VPS53: variants seen among roughly 807,000 people sequenced by gnomAD.
The protein encoded by VPS53 is VPS53 subunit of GARP complex.
A neutral mutation model predicts 107.0 loss-of-function variants in VPS53; 70 were observed. That is an observed-to-expected ratio of 0.65 (90% CI 0.54 to 0.80). VPS53 has a LOEUF of 0.80. Ranked by LOEUF, VPS53 falls within the 30% of genes least tolerant of loss-of-function variation. The probability of loss-of-function intolerance (pLI) is 0.00; values close to 1 mark genes in which losing one functional copy is unlikely to be tolerated. For missense variants in VPS53, 917 were observed against 1,049.4 expected, an observed-to-expected ratio of 0.87 and a Z score of 1.74; for synonymous variants, 409 against 393.3, an observed-to-expected ratio of 1.04 and a Z score of -0.47.
intron 11 of VPS53, among the ~76,000 whole-genome samples, chr17:619,379 G>A (rs1458721244): frequency 8.3e-4 from 81 of 97,820 alleles, no homozygotes; most frequent in Middle Eastern, 8.5e-3. Flanking sequence ...GCACCACCAT[G>A]CCCCGCTAAT....
intron 1 of VPS53, among the ~76,000 whole-genome samples, chr17:712,471 G>A (rs1973682207): frequency 6.6e-6 from 1 of 151,988 alleles, no homozygotes; most frequent in Non-Finnish European, 1.5e-5. Flanking sequence ...GAGCCACCGA[G>A]CCCAGCCAAT....
chr17:567,036 C>T (rs976500048), intron 13 of VPS53, among the ~76,000 whole-genome samples: 3 of 152,042 alleles, frequency 2.0e-5, no homozygotes, highest in Non-Finnish European at 2.9e-5. Flanking sequence ...TGAGCCACTG[C>T]GCCCAGCCGA....
chr17:623,749 A>G (rs1375376773), intron 10 of VPS53, 75 bp from the exon 11 acceptor site: 6 of 1,455,014 alleles, frequency 4.1e-6, no homozygotes, highest in Non-Finnish European at 5.5e-6. Context: ...AAATGGCCTT[A>G]GCTTATATTC....
At chr17:549,273 G>A (rs1043943908) in intron 17 of VPS53, among the ~76,000 whole-genome samples, 1 of 152,214 alleles carries the variant, frequency 6.6e-6, no homozygotes, top group Admixed American at 6.5e-5. Context: ...AACACAGAAT[G>A]TGTGTTGAAT....
intron 18 of VPS53, among the ~76,000 whole-genome samples, chr17:533,338 G>C (rs1016012354): frequency 6.6e-6 from 1 of 152,104 alleles, no homozygotes. Context: ...CAAACTCCTG[G>C]CTTCAAGCAG....
chr17:595,965 T>A (rs967880446), intron 12 of VPS53, among the ~76,000 whole-genome samples: 2 of 126,790 alleles, frequency 1.6e-5, no homozygotes, highest in African/African-American at 6.3e-5. Flanking sequence ...CACTCTAGTG[T>A]CCCCCTGGAG....
chr17:627,344 C>A, intron 9 of VPS53, 28 bp from the exon 10 acceptor site: 1 of 1,603,350 alleles, frequency 6.2e-7, no homozygotes, highest in South Asian at 1.1e-5. Flanking sequence ...CAAAAGCCAC[C>A]CCAGTGGTTA....
chr17:707,844 C>CA (rs10708313), intron 2 of VPS53, among the ~76,000 whole-genome samples: 37,418 of 126,782 alleles, frequency 0.3, 5,887 homozygotes, highest in African/African-American at 0.47. Flanking sequence ...AACTCTCTTT[C>CA]AAAAAAAAAA....
chr17:672,496 T>C (rs1389926544), intron 4 of VPS53, among the ~76,000 whole-genome samples: 1 of 152,220 alleles, frequency 6.6e-6, no homozygotes, highest in Non-Finnish European at 1.5e-5. Context: ...CAGATGAGAC[T>C]ACCCTCTAAG....
intron 13 of VPS53, among the ~76,000 whole-genome samples, chr17:573,155 G>T (rs143795337): frequency 6.6e-6 from 1 of 152,378 alleles, no homozygotes; most frequent in African/African-American, 2.4e-5. Flanking sequence ...AGAATGGGCA[G>T]ATATGGAGTC....
chr17:578,648 G>A (rs1398390256), intron 13 of VPS53, among the ~76,000 whole-genome samples: 4 of 133,614 alleles, frequency 3.0e-5, no homozygotes, highest in African/African-American at 1.2e-4. Flanking sequence ...TCCCTCAGAA[G>A]CCAATGCATT....
intron 16 of VPS53, 28 bp from the exon 17 acceptor site, chr17:551,978 A>G: frequency 6.5e-7 from 1 of 1,548,950 alleles, no homozygotes; most frequent in South Asian, 1.2e-5. Context: ...CACTGTGGTC[A>G]CCCTTTCAAA....
At chr17:523,776 A>T (rs998794371) in intron 19 of VPS53, among the ~76,000 whole-genome samples, 2 of 152,156 alleles carry the variant, frequency 1.3e-5, no homozygotes, top group African/African-American at 4.8e-5. Flanking sequence ...AATTCTTACT[A>T]TCCTAGTGTC....
intron 10 of VPS53, among the ~76,000 whole-genome samples, chr17:624,063 G>A (rs750970130): frequency 5.4e-5 from 8 of 148,176 alleles, no homozygotes; most frequent in Non-Finnish European, 1.0e-4. Flanking sequence ...TCACCATGTT[G>A]GCCAGGCTGG....
chr17:545,943 G>T (rs748629715), intron 17 of VPS53, among the ~76,000 whole-genome samples: 1 of 152,198 alleles, frequency 6.6e-6, no homozygotes, highest in Non-Finnish European at 1.5e-5. Flanking sequence ...CATACTTCTT[G>T]ATTTCAAAGA....
chr17:537,007 T>C (rs1555548382), intron 18 of VPS53, 21 bp downstream of exon 18: 39 of 1,613,370 alleles, frequency 2.4e-5, no homozygotes, highest in Non-Finnish European at 3.0e-5. Flanking sequence ...AACCCAGAGA[T>C]GAGCACGCCC....
Position 519,682 on chromosome 17 carries a change from G to C in VPS53, c.2328+144C>G. 1 of 688,852 alleles carries C rather than the reference G, an allele frequency of 1.5e-6. No individual in the cohort carries two copies. Among genetic ancestry groups the C allele is most frequent in the Non-Finnish European group, 2.5e-6 (1 of 398,994 alleles). 42.7% of individuals were successfully genotyped at this position (688,852 alleles called of 1,614,324 possible). A position where few individuals can be genotyped will look rare whatever the true frequency, so the allele number is the denominator to read the frequency against. On this transcript the variant is annotated intron_variant, in intron 21 of 21. Coordinates refer to ENST00000437048, the MANE Select transcript of VPS53 (RefSeq NM_001128159.3). The surrounding 1 kb of genome is among the most constrained non-coding windows in gnomAD (Gnocchi z 5.0). ...TGCCCGGGGCCATCCTCCTCCAGAGGCTTCTCTGAATCCGGTTTGCTCTGT... is the reference window on the plus strand; with the variant it reads ...TGCCCGGGGCCATCCTCCTCCAGAGCCTTCTCTGAATCCGGTTTGCTCTGT...
In VPS53 at chr17:513,430, T is replaced by C. The variant is rs1049404609; in HGVS notation, c.*5698A>G. The stretch of plus-strand genomic sequence containing the variant: ...TAAAACAGGACTGGGAATTTTTATT[T>C]AATATATAAAATGTCATCGTACCCT... On this transcript the variant is annotated 3_prime_UTR_variant, in exon 22 of 22. Coordinates refer to ENST00000437048, the MANE Select transcript of VPS53 (RefSeq NM_001128159.3). 5.3e-5 allele frequency: 8 copies of C among 152,216 alleles called. No homozygotes were observed. The highest frequency in any genetic ancestry group is 1.9e-4 in the African/African-American group (8 of 41,446). The allele number at this position is 152,216 out of a possible 1,614,324, so 9.4% of individuals were successfully genotyped here.
chr17:693,029 G>T (rs1334522853), intron 4 of VPS53, among the ~76,000 whole-genome samples: 10 of 152,170 alleles, frequency 6.6e-5, no homozygotes, highest in African/African-American at 2.2e-4. Flanking sequence ...AGCTACTCAG[G>T]AGGCTGAGGC....
Sources: allele counts gnomAD v4.1 joint callset (sites outside exome capture counted in the v4.1 genomes callset), GRCh38; gene constraint gnomAD v4.1.1; non-coding constraint Gnocchi (gnomAD v3.1); transcripts MANE v1.5; gene names NCBI Gene and HGNC (gene_info 2026-07-23, HGNC 2026-07-21).